Variants in AUTS2 observed in about 807,000 individuals in gnomAD.
AUTS2 encodes activator of transcription and developmental regulator AUTS2.
In AUTS2, 17 loss-of-function variants were observed where a neutral mutation model predicts 112.4. That is an observed-to-expected ratio of 0.15 (90% CI 0.10 to 0.23). The LOEUF is 0.23. Ranked by LOEUF, AUTS2 falls within the 10% of genes least tolerant of loss-of-function variation. The pLI, the probability that AUTS2 is intolerant of heterozygous loss-of-function variation, is 1.00. For missense variants in AUTS2, 1,510 were observed against 1,701.6 expected, an observed-to-expected ratio of 0.89 and a Z score of 1.98; for synonymous variants, 751 against 702.7, an observed-to-expected ratio of 1.07 and a Z score of -1.09.
intron 16 of AUTS2, among the ~76,000 whole-genome samples, chr7:70,785,242 G>C (rs964322886): frequency 2.6e-5 from 4 of 152,340 alleles, no homozygotes; most frequent in Admixed American, 2.0e-4. Flanking sequence ...GCTGTGCTCG[G>C]CAGTGGTTCT....
intron 4 of AUTS2, among the ~76,000 whole-genome samples, chr7:70,256,369 G>A (rs1786869822): frequency 1.3e-5 from 2 of 152,190 alleles, no homozygotes; most frequent in Non-Finnish European, 2.9e-5. Flanking sequence ...AGAGAACAGA[G>A]GGTCATAACA....
intron 4 of AUTS2, among the ~76,000 whole-genome samples, chr7:70,382,347 C>T (rs1023633373): frequency 6.6e-6 from 1 of 152,206 alleles, no homozygotes; most frequent in Non-Finnish European, 1.5e-5. Flanking sequence ...CAATCCCCAA[C>T]TCTGATGTGT....
At chr7:70,397,769 A>G (rs904029591) in intron 4 of AUTS2, among the ~76,000 whole-genome samples, 17 of 152,074 alleles carry the variant, frequency 1.1e-4, no homozygotes, top group African/African-American at 4.1e-4. Flanking sequence ...ATTTTGATGA[A>G]GCCCAATTAA....
At position 70,634,904 on chromosome 7, in the gene AUTS2, G is replaced by A. The variant is rs77476502; in HGVS notation, c.691-63665G>A. On this transcript the variant is annotated intron_variant, in intron 5 of 18. Coordinates refer to ENST00000342771, the MANE Select transcript of AUTS2 (RefSeq NM_015570.4). ...ATTCTTGGTCTCTGAGCAGCTTAGT[G>A]TTGGGGGCTGGGGTTAGCAGACATG... 1.3e-3 allele frequency among the ~76,000 whole-genome samples: 196 copies of A among 152,334 alleles called. 1 individual carries two copies. The highest frequency in any genetic ancestry group is 4.5e-3 in the African/African-American group (186 of 41,580).
chr7:70,675,264 G>C (rs553702839), intron 5 of AUTS2, among the ~76,000 whole-genome samples: 3 of 152,288 alleles, frequency 2.0e-5, no homozygotes, highest in African/African-American at 7.2e-5. Flanking sequence ...AGGCCAAGGT[G>C]GGTGGATGGC....
At chr7:69,854,504 A>G (rs1311436364) in intron 1 of AUTS2, among the ~76,000 whole-genome samples, 1 of 152,168 alleles carries the variant, frequency 6.6e-6, no homozygotes, top group African/African-American at 2.4e-5. Context: ...GGTAAAAGAT[A>G]TAACCTAGAT....
Position 69,980,107 on chromosome 7 carries a change from T to G in AUTS2, c.522+80609T>G, listed in dbSNP as rs367661688. Among the ~76,000 whole-genome samples the G allele has an allele frequency of 3.5e-4, 53 of 152,236 alleles. 1 individual carries two copies. The South Asian group carries it at 0.011, about 31-fold the overall frequency. ...CATCTACCATTTTTTGTTTTGTGTTTTTGTTTGTTTGTTTTTTGAGATGGA... is the reference window on the plus strand; with the variant it reads ...CATCTACCATTTTTTGTTTTGTGTTGTTGTTTGTTTGTTTTTTGAGATGGA... On this transcript the variant is annotated intron_variant, in intron 2 of 18. Coordinates refer to ENST00000342771, the MANE Select transcript of AUTS2 (RefSeq NM_015570.4).
chr7:70,107,178 C>T (rs1391503249), intron 2 of AUTS2, among the ~76,000 whole-genome samples: 1 of 152,048 alleles, frequency 6.6e-6, no homozygotes, highest in Non-Finnish European at 1.5e-5. Flanking sequence ...TCTGAAATTA[C>T]ATATGATCAC....
chr7:70,106,209 T>C (rs550939566), intron 2 of AUTS2, among the ~76,000 whole-genome samples: 28 of 152,322 alleles, frequency 1.8e-4, no homozygotes, highest in African/African-American at 6.5e-4. Context: ...TTGTAAACCT[T>C]GAGTCTCTAA....
At chr7:70,559,216 T>A (rs1801377847) in intron 5 of AUTS2, among the ~76,000 whole-genome samples, 1 of 152,218 alleles carries the variant, frequency 6.6e-6, no homozygotes, top group Admixed American at 6.5e-5. Flanking sequence ...CATGTGGAAC[T>A]GTGAGTCCGT....
chr7:69,782,598 C>T (rs989400970), intron 1 of AUTS2, among the ~76,000 whole-genome samples: 3 of 151,936 alleles, frequency 2.0e-5, no homozygotes, highest in Non-Finnish European at 2.9e-5. Flanking sequence ...GCCAAAGTCC[C>T]TGGTTGGTAT....
intron 4 of AUTS2, among the ~76,000 whole-genome samples, chr7:70,296,253 G>A (rs1788929574): frequency 6.6e-6 from 1 of 152,222 alleles, no homozygotes; most frequent in South Asian, 2.1e-4. Flanking sequence ...TTGAAGAATT[G>A]AAGAAAGCTG....
chr7:70,078,833 A>G (rs186075078), intron 2 of AUTS2, among the ~76,000 whole-genome samples: 29 of 152,366 alleles, frequency 1.9e-4, no homozygotes, highest in African/African-American at 6.3e-4. Flanking sequence ...TTAGTGCCAT[A>G]TAACTTGTGT....
intron 5 of AUTS2, among the ~76,000 whole-genome samples, chr7:70,535,315 A>T (rs1453874837): frequency 6.6e-6 from 1 of 152,178 alleles, no homozygotes; most frequent in Non-Finnish European, 1.5e-5. Context: ...CCAAAGAACA[A>T]GACATATATA....
intron 5 of AUTS2, among the ~76,000 whole-genome samples, chr7:70,548,974 A>G (rs1198619216): frequency 6.9e-6 from 1 of 145,642 alleles, no homozygotes; most frequent in African/African-American, 2.5e-5. Context: ...TAGGGATTAC[A>G]TTTAACCCAC....
rs1791969620 is a variant in AUTS2 at position 70,791,628 on chromosome 7, AGCCC to A, written c.*636_*639del. ...AATGAATGTTCGGGCTTTTCACAAA[AGCCC>A]GCCTAACTCAAAGGAGCCTTTTCAA... On this transcript the variant is annotated 3_prime_UTR_variant, in exon 19 of 19. Transcript: ENST00000342771. 2 of 152,666 alleles carry A rather than the reference AGCCC, an allele frequency of 1.3e-5. No individual in the cohort carries two copies. The highest frequency in any genetic ancestry group is 6.5e-5 in the Admixed American group (1 of 15,278). The allele number at this position is 152,666 out of a possible 1,614,324, so 9.5% of individuals were successfully genotyped here.
chr7:70,362,126 ACT>A (rs1792296987), intron 4 of AUTS2, among the ~76,000 whole-genome samples: 1 of 152,222 alleles, frequency 6.6e-6, no homozygotes. Flanking sequence ...TTGATAGAGC[ACT>A]GTCACTTACT....
intron 4 of AUTS2, among the ~76,000 whole-genome samples, chr7:70,385,007 T>TC (rs1446335717): frequency 6.6e-6 from 1 of 152,186 alleles, no homozygotes; most frequent in Non-Finnish European, 1.5e-5. Flanking sequence ...AAACACTTTT[T>TC]CCCTGCGTTT....
At chr7:69,715,544 C>G (rs1212508930) in intron 1 of AUTS2, among the ~76,000 whole-genome samples, 2 of 152,106 alleles carry the variant, frequency 1.3e-5, no homozygotes, top group Admixed American at 1.3e-4. Context: ...TCAGTGAGCT[C>G]TTCCTGAAAA....
Sources: allele counts gnomAD v4.1 joint callset (sites outside exome capture counted in the v4.1 genomes callset), GRCh38; gene constraint gnomAD v4.1.1; transcripts MANE v1.5; gene names NCBI Gene and HGNC (gene_info 2026-07-23, HGNC 2026-07-21).